INTS11: variants seen among roughly 807,000 people sequenced by gnomAD.
INTS11 encodes the protein CPSF3-like protein.
Under a neutral mutation model 78.6 loss-of-function variants are expected in INTS11, and 77 were observed. The ratio of observed to expected loss-of-function variants is 0.98; its 90% confidence interval spans 0.81 to 1.18. The LOEUF (loss-of-function observed/expected upper bound fraction) is 1.18, where lower values mean the gene tolerates loss of function less well. Ranked by LOEUF, INTS11 falls within the 50% of genes most tolerant of loss-of-function variation. The pLI is 0.00. For synonymous variants in INTS11, 441 were observed against 326.9 expected (o/e 1.35, Z -3.77); for missense variants, 875 against 825.9 (o/e 1.06, Z -0.73).
At position 1,314,940 on chromosome 1, in the gene INTS11, G is replaced by A. The variant is rs779868844; in HGVS notation, c.586C>T (p.Arg196Cys). Residue 196 changes from arginine to cysteine, a missense_variant, in exon 7 of 17, where the codon CGC (arginine) becomes TGC (cysteine). Coordinates refer to ENST00000435064, the MANE Select transcript of INTS11 (RefSeq NM_017871.6). The surrounding 1 kb of genome is among the most constrained non-coding windows in gnomAD (Gnocchi z 4.2). ...HLGAAWIDKC[R>C]PNLLITESTY... ...GACTCTGTGATGAGCAGGTTGGGGC[G>A]GCACTTGTCAATCCAGGCAGCTCTG... 2.1e-5 allele frequency: 34 copies of A among 1,612,672 alleles called. No individual in the cohort carries two copies. Among genetic ancestry groups the A allele is most frequent in the South Asian group, 5.5e-5 (5 of 91,088 alleles).
Position 1,312,213 on chromosome 1 carries a change from G to GGGGGGGGCCCCCCCCCCCCCCCCCCC in INTS11, c.1607+12_1607+13insGGGGGGGGGGGGGGGGGGGCCCCCCC. 4.3e-6 allele frequency: 4 copies of GGGGGGGGCCCCCCCCCCCCCCCCCCC among 934,588 alleles called. No homozygotes were observed. The highest frequency in any genetic ancestry group is 4.7e-6 in the Non-Finnish European group (3 of 636,638). The allele number at this position is 934,588 out of a possible 1,614,324, so 57.9% of individuals were successfully genotyped here. On this transcript the variant is annotated intron_variant, in intron 15 of 16. Coordinates refer to ENST00000435064, the MANE Select transcript of INTS11 (RefSeq NM_017871.6). ...CCCAAGGGAGTGGGGGGGGGGCGGG[G>GGGGGGGGCCCCCCCCCCCCCCCCCCC]CCGGGCGCCCACCTCTTGAGGTGGC...
intron 10 of INTS11, 66 bp from the exon 11 acceptor site, chr1:1,313,190 G>T: frequency 6.6e-7 from 1 of 1,520,558 alleles, no homozygotes; most frequent in Non-Finnish European, 8.9e-7. Flanking sequence ...CCTTGCCCGG[G>T]ATGCCCCCGC....
At chr1:1,324,155 A>AGAGGCTGGGAAGCTGGGGAGCTGG (rs1557647323) in intron 1 of INTS11, among the ~76,000 whole-genome samples, 2 of 13,472 alleles carry the variant, frequency 1.5e-4, no homozygotes, top group Non-Finnish European at 2.6e-4. Context: ...TGGGGGGCTG[A>AGAGGCTGGGAAGCTGGGGAGCTGG]GGGGCTGGGG....
rs758735561 is a variant in INTS11 at position 1,314,345 on chromosome 1, C to G, written c.723G>C (p.Ala241=). The change falls in exon 8 of 17, where the codon GCG becomes GCC. Residue 241 remains alanine, a synonymous_variant. Transcript: ENST00000435064. This position sits in a 1 kb window ranked among gnomAD's most constrained non-coding sequence, Gnocchi z 4.2. ...RGGKVLIPVF[A]LGRAQELCIL... is the part of the protein sequence containing the mutation. ...TGCAGAGCTCCTGGGCGCGGCCCAG[C>G]GCGAACACAGGTATCAGCACCTGAG... 1.9e-6 allele frequency: 3 copies of G among 1,607,404 alleles called. No homozygotes were observed. In the African/African-American group the frequency reaches 4.0e-5, roughly 21 times the overall value.
At chr1:1,321,802 CAT>C in intron 1 of INTS11, 1 of 805,876 alleles carries the variant, frequency 1.2e-6, no homozygotes, top group Non-Finnish European at 1.8e-6. Context: ...TCAGCCCCCT[CAT>C]GTGGCCTGGG....
Position 1,314,907 on chromosome 1 carries a change from C to G in INTS11, c.619G>C (p.Ala207Pro). ...PNLLITESTY[A>P]TTIRDSKRCR... Reference sequence around the variant, plus strand: ...CGCTTGGAGTCACGGATGGTCGTGGCGTACGTGGACTCTGTGATGAGCAGG... The same window carrying G: ...CGCTTGGAGTCACGGATGGTCGTGGGGTACGTGGACTCTGTGATGAGCAGG... Residue 207 changes from alanine to proline, a missense_variant, in exon 7 of 17, where the codon GCC (alanine) becomes CCC (proline). Transcript: ENST00000435064. The surrounding 1 kb of genome is among the most constrained non-coding windows in gnomAD (Gnocchi z 4.2). 1 of 1,613,054 alleles carries G rather than the reference C, an allele frequency of 6.2e-7. No individual in the cohort carries two copies. Among genetic ancestry groups the G allele is most frequent in the Non-Finnish European group, 8.5e-7 (1 of 1,179,938 alleles).
At chr1:1,322,968 T>C (rs1162458934) in intron 1 of INTS11, 1 of 1,360,838 alleles carries the variant, frequency 7.3e-7, no homozygotes, top group Non-Finnish European at 9.5e-7. Flanking sequence ...ATCAGAAAGA[T>C]CAGATGTCCA....
At chr1:1,322,620 C>T (rs1371350335) in intron 1 of INTS11, among the ~76,000 whole-genome samples, 4 of 105,244 alleles carry the variant, frequency 3.8e-5, no homozygotes, top group African/African-American at 1.5e-4. Context: ...GCGGGGCGGG[C>T]GGAGGGAGGA....
intron 9 of INTS11, 62 bp downstream of exon 9, chr1:1,313,670 C>G: frequency 1.2e-6 from 2 of 1,610,530 alleles, no homozygotes; most frequent in Non-Finnish European, 1.7e-6. Flanking sequence ...AGCCCAGACA[C>G]CTGCGGAAGA....
rs1208863651 is a variant in INTS11 at position 1,314,402 on chromosome 1, GC to G, written c.703-38del. Reference sequence around the variant, plus strand: ...ACAAGGCAGGAGCCCTGGGCACATGGCCCCTCGACACAGCAGGCAGCGTCCA... The same window carrying G: ...ACAAGGCAGGAGCCCTGGGCACATGGCCCTCGACACAGCAGGCAGCGTCCA... On this transcript the variant is annotated intron_variant, in intron 7 of 16. Coordinates refer to ENST00000435064, the MANE Select transcript of INTS11 (RefSeq NM_017871.6). This position sits in a 1 kb window ranked among gnomAD's most constrained non-coding sequence, Gnocchi z 4.2. 1 of 1,570,702 alleles carries G rather than the reference GC, an allele frequency of 6.4e-7. No individual in the cohort carries two copies.
intron 4 of INTS11, chr1:1,316,114 T>C (rs989691808): frequency 1.5e-5 from 3 of 195,672 alleles, no homozygotes; most frequent in Non-Finnish European, 3.1e-5. Context: ...AAACCCCGTC[T>C]CTACTAAAAA....
intron 3 of INTS11, chr1:1,319,897 C>T (rs1454631133): frequency 7.9e-6 from 2 of 252,846 alleles, no homozygotes; most frequent in African/African-American, 4.5e-5. Context: ...TGGCAAGCCC[C>T]AGGAAGGCAC....
intron 10 of INTS11, 35 bp downstream of exon 10, chr1:1,313,471 TCCA>T: frequency 6.2e-7 from 1 of 1,610,132 alleles, no homozygotes; most frequent in Non-Finnish European, 8.5e-7. Flanking sequence ...CCCGTCGGCC[TCCA>T]GCTTCCAGAT....
intron 1 of INTS11, chr1:1,322,836 C>T (rs1179289183): frequency 3.7e-6 from 4 of 1,069,892 alleles, no homozygotes; most frequent in Non-Finnish European, 4.6e-6. Flanking sequence ...ACACGGAGCC[C>T]GAGGCAGTCC....
Position 1,312,675 on chromosome 1 carries a change from A to G in INTS11, c.1320T>C (p.Asn440=), listed in dbSNP as rs1168963303. 5 of 1,595,122 alleles carry G rather than the reference A, an allele frequency of 3.1e-6. No individual in the cohort carries two copies. The East Asian group carries it at 6.7e-5, about 22-fold the overall frequency. ...TTGTGGGCAGCGTCACCGTCTCGCC[A>G]TTGGCCGGCATGTAGCAGTTGACCC... ...ELRVNCYMPA[N]GETVTLPTSP... Residue 440 remains asparagine, a synonymous_variant, in exon 13 of 17, where the codon AAT becomes AAC. Coordinates refer to ENST00000435064, the MANE Select transcript of INTS11 (RefSeq NM_017871.6).
chr1:1,313,698 T>C (rs1642393324), intron 9 of INTS11, 34 bp downstream of exon 9: 8 of 1,610,014 alleles, frequency 5.0e-6, no homozygotes, highest in Non-Finnish European at 6.8e-6. Flanking sequence ...CCGACGGGTG[T>C]GGATGTGCTG....
At chr1:1,319,019 C>T in intron 4 of INTS11, 2 of 717,456 alleles carry the variant, frequency 2.8e-6, no homozygotes, top group South Asian at 1.5e-5. Flanking sequence ...CCCACTCTGG[C>T]CATTTCAATG....
At chr1:1,316,573 CGA>C (rs1257815449) in intron 4 of INTS11, 2 of 148,990 alleles carry the variant, frequency 1.3e-5, no homozygotes, top group Non-Finnish European at 3.0e-5. Context: ...GCAACAAGAG[CGA>C]GAGTGTCAAA....
chr1:1,317,485 C>T, intron 4 of INTS11: 1 of 972,498 alleles, frequency 1.0e-6, no homozygotes, highest in Non-Finnish European at 1.2e-6. Flanking sequence ...CTGAAAGACA[C>T]CAGAGGGAAT....
Sources: allele counts gnomAD v4.1 joint callset (sites outside exome capture counted in the v4.1 genomes callset), GRCh38; gene constraint gnomAD v4.1.1; non-coding constraint Gnocchi (gnomAD v3.1); transcripts MANE v1.5; gene names NCBI Gene and HGNC (gene_info 2026-07-23, HGNC 2026-07-21).